Variants in GSPT1 observed in about 807,000 individuals in gnomAD.
GSPT1 encodes G1 to S phase transition 1, also known as eukaryotic peptide chain release factor GTP-binding subunit ERF3A.
GSPT1 carries 20 observed loss-of-function variants against 72.5 expected under a neutral mutation model. The ratio of observed to expected loss-of-function variants is 0.28; its 90% CI spans 0.19 to 0.40. The LOEUF is 0.40. Among genes scored for constraint, GSPT1 ranks in the 10% least tolerant of loss-of-function variants. GSPT1 has a pLI of 1.00. For synonymous variants in GSPT1, 334 were observed against 293.5 expected (o/e 1.14, Z -1.41); for missense variants, 580 against 811.9 (o/e 0.71, Z 3.47).
At position 11,897,887 on chromosome 16, in the gene GSPT1, C is replaced by A; in HGVS notation, c.395-6G>T. 3 of 1,535,116 alleles carry A rather than the reference C, an allele frequency of 2.0e-6. No individual in the cohort carries two copies. The highest frequency in any genetic ancestry group is 2.7e-6 in the Non-Finnish European group (3 of 1,127,010). On this transcript the variant is annotated splice_polypyrimidine_tract_variant and splice_region_variant and intron_variant, in intron 2 of 14. Coordinates refer to ENST00000434724, the MANE Select transcript of GSPT1 (RefSeq NM_002094.4). Reference sequence around the variant, plus strand: ...GCTAACAGCTGAATTTGAACCTAGACAAGAGATTGAAATATAATATATATT... The same window carrying A: ...GCTAACAGCTGAATTTGAACCTAGAAAAGAGATTGAAATATAATATATATT...
At chr16:11,910,405 A>G (rs139277387) in intron 1 of GSPT1, among the ~76,000 whole-genome samples, 2 of 152,242 alleles carry the variant, frequency 1.3e-5, no homozygotes, top group African/African-American at 4.8e-5. Context: ...CAGGACCACA[A>G]TTTATTCATC....
chr16:11,896,901 G>A, intron 3 of GSPT1, 116 bp from the exon 4 acceptor site: 1 of 692,700 alleles, frequency 1.4e-6, no homozygotes, highest in East Asian at 2.7e-5. Flanking sequence ...ATTTCCTAAT[G>A]CCTAGTGACA....
At chr16:11,879,198 C>T (rs2054088464) in intron 11 of GSPT1, among the ~76,000 whole-genome samples, 1 of 149,702 alleles carries the variant, frequency 6.7e-6, no homozygotes, top group African/African-American at 2.5e-5. Flanking sequence ...AGTTCAAGGC[C>T]AGCCTAGCCA....
Position 11,868,987 on chromosome 16 carries a change from ATT to A in GSPT1, c.*4130_*4131del, listed in dbSNP as rs1312576119. 6.6e-6 allele frequency: 1 copy of A among 152,180 alleles called. No homozygotes were observed. The highest frequency in any genetic ancestry group is 6.5e-5 in the Admixed American group (1 of 15,274). 9.4% of individuals were successfully genotyped at this position (152,180 alleles called of 1,614,324 possible). On this transcript the variant is annotated 3_prime_UTR_variant, in exon 15 of 15. Coordinates refer to ENST00000434724, the MANE Select transcript of GSPT1 (RefSeq NM_002094.4). ...CTTAGTAAACAACTCAGCTAGCATT[ATT>A]GTTTCAAGGAAGCATAGGATTAGAG...
intron 11 of GSPT1, among the ~76,000 whole-genome samples, chr16:11,880,612 G>A (rs1199828449): frequency 6.6e-6 from 1 of 152,204 alleles, no homozygotes; most frequent in Non-Finnish European, 1.5e-5. Flanking sequence ...ATAGGCATAA[G>A]CCACCATGTC....
intron 1 of GSPT1, among the ~76,000 whole-genome samples, chr16:11,902,857 G>A (rs1005577997): frequency 2.1e-4 from 32 of 151,992 alleles, no homozygotes; most frequent in African/African-American, 7.5e-4. Context: ...AAAGTCCCGG[G>A]ATTACAGTCA....
chr16:11,904,220 T>C (rs753669748), intron 1 of GSPT1: 2 of 156,998 alleles, frequency 1.3e-5, no homozygotes, highest in African/African-American at 4.8e-5. Flanking sequence ...ATTTTATTTA[T>C]TTATTTTGAG....
At chr16:11,892,531 A>AAAAAAAAAAAAAAAAAAAAAAAAAAAT (rs1567443313) in intron 5 of GSPT1, among the ~76,000 whole-genome samples, 1 of 139,864 alleles carries the variant, frequency 7.1e-6, no homozygotes, top group African/African-American at 2.8e-5. Flanking sequence ...AACAAAAAAA[A>AAAAAAAAAAAAAAAAAAAAAAAAAAAT]CAAAAAATAA....
intron 6 of GSPT1, among the ~76,000 whole-genome samples, chr16:11,888,049 G>C (rs2054205897): frequency 6.6e-6 from 1 of 152,192 alleles, no homozygotes; most frequent in South Asian, 2.1e-4. Flanking sequence ...GTAGTACTTA[G>C]GAGACTGAGG....
Position 11,891,094 on chromosome 16 carries a change from T to C in GSPT1, c.744A>G (p.Glu248=). The C allele has an allele frequency of 6.7e-7, 1 of 1,501,800 alleles. No homozygotes were observed. The highest frequency in any genetic ancestry group is 9.0e-7 in the Non-Finnish European group (1 of 1,110,164). The allele number at this position is 1,501,800 out of a possible 1,614,324, so 93.0% of individuals were successfully genotyped here. A position where few individuals can be genotyped will look rare whatever the true frequency, so the allele number is the denominator to read the frequency against. Residue 248 remains glutamate (E), a synonymous_variant, in exon 6 of 15, where the codon GAA becomes GAG. Transcript: ENST00000434724. ...CTCTGTTTTTCTCTTTAGCTTCTCTTTCATACTTTTCAAGCGTCCTTTTGT... is the reference window on the plus strand; with the variant it reads ...CTCTGTTTTTCTCTTTAGCTTCTCTCTCATACTTTTCAAGCGTCCTTTTGT... ...MVDKRTLEKY[E]REAKEKNRET...
At position 11,887,777 on chromosome 16, in the gene GSPT1, A is replaced by G. The variant is rs1281859098; in HGVS notation, c.777-27T>C. ...TGAAATAATTTTTAAAAAAAGAACA[A>G]TATTCCTAAGAACATCAGAGTTTTT... On this transcript the variant is annotated intron_variant, in intron 6 of 14. Transcript: ENST00000434724. The G allele has an allele frequency of 4.0e-6, 6 of 1,486,712 alleles. No homozygotes were observed. In the East Asian group the frequency reaches 6.8e-5, roughly 17 times the overall value. The allele number at this position is 1,486,712 out of a possible 1,614,324, so 92.1% of individuals were successfully genotyped here. A position where few individuals can be genotyped will look rare whatever the true frequency, so the allele number is the denominator to read the frequency against.
rs557796747 is a variant in GSPT1, at chr16:11,877,188, A to T, written c.1602+219T>A. ...AAACATAAAAAGGAACTTACAAAGAATACTCCTTATCCAGTAAGCACTTGT... is the reference window on the plus strand; with the variant it reads ...AAACATAAAAAGGAACTTACAAAGATTACTCCTTATCCAGTAAGCACTTGT... On this transcript the variant is annotated intron_variant, in intron 12 of 14. Coordinates refer to ENST00000434724, the MANE Select transcript of GSPT1 (RefSeq NM_002094.4). The surrounding 1 kb of genome is among the most constrained non-coding windows in gnomAD (Gnocchi z 4.0). Among the ~76,000 whole-genome samples the T allele has an allele frequency of 6.6e-6, 1 of 152,310 alleles. No individual in the cohort carries two copies. Among genetic ancestry groups the T allele is most frequent in the African/African-American group, 2.4e-5 (1 of 41,560 alleles).
At chr16:11,895,973 A>G (rs1292170673) in intron 4 of GSPT1, among the ~76,000 whole-genome samples, 1 of 152,230 alleles carries the variant, frequency 6.6e-6, no homozygotes, top group African/African-American at 2.4e-5. Flanking sequence ...GAAGGGGTAC[A>G]GTGTTTCATA....
chr16:11,904,388 G>C (rs2054459928), intron 1 of GSPT1, among the ~76,000 whole-genome samples: 1 of 151,984 alleles, frequency 6.6e-6, no homozygotes, highest in Non-Finnish European at 1.5e-5. Context: ...ATTTTTAGTA[G>C]AGATGGGGTT....
intron 1 of GSPT1, among the ~76,000 whole-genome samples, chr16:11,910,330 C>T (rs2054542554): frequency 6.6e-6 from 1 of 152,224 alleles, no homozygotes; most frequent in Non-Finnish European, 1.5e-5. Flanking sequence ...CTCTGCAGGG[C>T]TCACTTACCA....
chr16:11,901,530 G>C (rs33631), intron 1 of GSPT1, among the ~76,000 whole-genome samples: 67,476 of 151,714 alleles, frequency 0.44, 16,000 homozygotes, highest in East Asian at 0.77. Flanking sequence ...GTTTACCACT[G>C]AGTGCAACTG....
intron 10 of GSPT1, among the ~76,000 whole-genome samples, chr16:11,883,685 C>T (rs926486698): frequency 1.3e-5 from 2 of 151,218 alleles, no homozygotes; most frequent in Non-Finnish European, 2.9e-5. Context: ...GAGGCCGAAG[C>T]GGGTGGATCA....
intron 1 of GSPT1, among the ~76,000 whole-genome samples, chr16:11,913,191 G>T (rs562337125): frequency 2.6e-5 from 4 of 152,200 alleles, no homozygotes; most frequent in Middle Eastern, 3.4e-3. Flanking sequence ...GCTTTTTATG[G>T]ACTTAATAGT....
intron 12 of GSPT1, among the ~76,000 whole-genome samples, chr16:11,876,641 G>A (rs542017474): frequency 6.6e-6 from 1 of 152,272 alleles, no homozygotes; most frequent in South Asian, 2.1e-4. Context: ...TACTCAGGAG[G>A]CTGAGGCAGG....
Sources: gnomAD v4.1 joint callset for allele counts (sites outside exome capture counted in the v4.1 genomes callset) on GRCh38, gnomAD v4.1.1 for gene constraint, Gnocchi (gnomAD v3.1) non-coding constraint, MANE v1.5 for transcripts, NCBI Gene and HGNC (gene_info 2026-07-23, HGNC 2026-07-21) for gene names.